The following TMEM132D variants were observed in gnomAD, a reference collection of about 807,000 sequenced individuals.
TMEM132D encodes transmembrane protein 132D.
A neutral mutation model predicts 62.3 loss-of-function variants in TMEM132D; 21 were observed. That is an observed-to-expected ratio of 0.34 (90% CI 0.24 to 0.49). The LOEUF is 0.49. TMEM132D is among the 20% of genes least tolerant of loss of function. TMEM132D has a pLI of 0.99. For missense variants in TMEM132D, 1,346 were observed against 1,402.8 expected (o/e 0.96, Z 0.65); for synonymous variants, 621 against 575.6 (o/e 1.08, Z -1.13).
intron 5 of TMEM132D, among the ~76,000 whole-genome samples, chr12:129,202,417 T>G (rs1178630683): frequency 1.3e-5 from 2 of 152,240 alleles, no homozygotes; most frequent in Non-Finnish European, 2.9e-5. Flanking sequence ...TTTTGATTTT[T>G]AAGTTGTGCA....
chr12:129,136,795 C>CCATCACCACCACCATCATCACCAT (rs1876581054), intron 5 of TMEM132D, among the ~76,000 whole-genome samples: 3 of 148,758 alleles, frequency 2.0e-5, no homozygotes, highest in African/African-American at 7.5e-5. Context: ...ATCACCATCA[C>CCATCACCACCACCATCATCACCAT]CATCATCACC....
intron 5 of TMEM132D, among the ~76,000 whole-genome samples, chr12:129,097,276 G>A (rs1261331133): frequency 6.6e-6 from 1 of 152,236 alleles, no homozygotes; most frequent in Non-Finnish European, 1.5e-5. Context: ...TGGGCGGCAA[G>A]AGCACCCCCG....
intron 3 of TMEM132D, among the ~76,000 whole-genome samples, chr12:129,528,677 T>G (rs892592832): frequency 1.3e-5 from 2 of 152,240 alleles, no homozygotes; most frequent in African/African-American, 2.4e-5. Context: ...AACCACTAAA[T>G]ATGTGTGCAT....
intron 5 of TMEM132D, among the ~76,000 whole-genome samples, chr12:129,182,430 A>T (rs773966652): frequency 3.3e-5 from 5 of 152,204 alleles, no homozygotes; most frequent in Non-Finnish European, 7.3e-5. Flanking sequence ...ACCAGAACAT[A>T]GGCAAGTCTC....
At chr12:129,664,202 G>A (rs532555680) in intron 2 of TMEM132D, among the ~76,000 whole-genome samples, 14 of 152,272 alleles carry the variant, frequency 9.2e-5, no homozygotes, top group African/African-American at 2.2e-4. Flanking sequence ...TTGTGATTGC[G>A]GAGCACAGCC....
At chr12:129,893,936 G>A (rs114352325) in intron 1 of TMEM132D, among the ~76,000 whole-genome samples, 3 of 152,208 alleles carry the variant, frequency 2.0e-5, no homozygotes, top group South Asian at 2.1e-4. Context: ...TGATTTTCAC[G>A]CCCTACAGAG....
intron 4 of TMEM132D, among the ~76,000 whole-genome samples, chr12:129,306,182 C>G (rs551867691): frequency 1.0e-3 from 155 of 152,252 alleles, no homozygotes; most frequent in Admixed American, 3.5e-3. Flanking sequence ...TATAACACCT[C>G]GGTTACCAAA....
At chr12:129,802,879 G>A (rs1475987661) in intron 1 of TMEM132D, among the ~76,000 whole-genome samples, 1 of 151,398 alleles carries the variant, frequency 6.6e-6, no homozygotes, top group Non-Finnish European at 1.5e-5. Flanking sequence ...AAAAGGCAAG[G>A]GTTGCAATCC....
At position 129,642,920 on chromosome 12, in the gene TMEM132D, C is replaced by CTTTT. The variant is rs71082742; in HGVS notation, c.968+56886_968+56889dup. Among the ~76,000 whole-genome samples the CTTTT allele has an allele frequency of 7.2e-3, 762 of 105,434 alleles. 7 individuals are homozygous for CTTTT. The highest frequency in any genetic ancestry group is 8.5e-3 in the Non-Finnish European group (472 of 55,750). The allele number at this position is 105,434 out of a possible 152,430, so 69.2% of individuals were successfully genotyped here. A position where few individuals can be genotyped will look rare whatever the true frequency, so the allele number is the denominator to read the frequency against. ...AGACACAACCAAAGAATTTACAAAT[C>CTTTT]TTTTTTTTTTTTTTTTTTTTTGAGA... On this transcript the variant is annotated intron_variant, in intron 2 of 8. Transcript: ENST00000422113.
At chr12:129,451,007 C>A (rs935138735) in intron 3 of TMEM132D, among the ~76,000 whole-genome samples, 1 of 152,028 alleles carries the variant, frequency 6.6e-6, no homozygotes, top group Non-Finnish European at 1.5e-5. Context: ...CGTGATCCAC[C>A]CTCCTCAGCC....
chr12:129,160,288 G>A (rs913706918), intron 5 of TMEM132D, among the ~76,000 whole-genome samples: 2 of 152,202 alleles, frequency 1.3e-5, no homozygotes, highest in African/African-American at 4.8e-5. Flanking sequence ...GGCCAAGTGG[G>A]CTGGAATAGT....
At chr12:129,586,372 G>A (rs1254054261) in intron 2 of TMEM132D, among the ~76,000 whole-genome samples, 1 of 152,192 alleles carries the variant, frequency 6.6e-6, no homozygotes, top group African/African-American at 2.4e-5. Flanking sequence ...GATTGTGCTT[G>A]TGGGACAAAT....
intron 4 of TMEM132D, among the ~76,000 whole-genome samples, chr12:129,310,405 A>T (rs964520939): frequency 6.6e-6 from 1 of 152,160 alleles, no homozygotes; most frequent in Non-Finnish European, 1.5e-5. Context: ...TTGGCCTGAG[A>T]GGGAGGAAAG....
chr12:129,593,900 A>G (rs1006818046), intron 2 of TMEM132D, among the ~76,000 whole-genome samples: 2 of 152,068 alleles, frequency 1.3e-5, no homozygotes, highest in African/African-American at 4.8e-5. Context: ...TATTTCAGTT[A>G]CAATTCACCC....
At chr12:129,272,968 G>T (rs899214253) in intron 4 of TMEM132D, among the ~76,000 whole-genome samples, 1 of 151,750 alleles carries the variant, frequency 6.6e-6, no homozygotes, top group Non-Finnish European at 1.5e-5. Context: ...GGCCAAGGTG[G>T]GTGGATCACT....
rs183708757 is a variant in TMEM132D, at chr12:129,495,926, G to T, written c.1115+35133C>A. Among the ~76,000 whole-genome samples the T allele has an allele frequency of 3.9e-5, 6 of 152,294 alleles. No individual in the cohort carries two copies. In the South Asian group the frequency reaches 8.3e-4, roughly 21 times the overall value. On this transcript the variant is annotated intron_variant, in intron 3 of 8. Coordinates refer to ENST00000422113, the MANE Select transcript of TMEM132D (RefSeq NM_133448.3). ...CAAAGTGATTCCAAAGTAATGGGGA[G>T]ATTCAGTTTTACTTTTACAAGTCCA...
intron 3 of TMEM132D, among the ~76,000 whole-genome samples, chr12:129,342,746 C>A (rs1452021074): frequency 3.9e-5 from 6 of 152,030 alleles, no homozygotes; most frequent in African/African-American, 1.4e-4. Context: ...ACAAACAACC[C>A]CATCAAAAAG....
intron 5 of TMEM132D, among the ~76,000 whole-genome samples, chr12:129,196,438 T>C (rs1878555299): frequency 6.6e-6 from 1 of 152,180 alleles, no homozygotes. Context: ...ATCCTTTATA[T>C]AAATTCTATG....
At position 129,575,672 on chromosome 12, in the gene TMEM132D, C is replaced by T. The variant is rs75087400; in HGVS notation, c.969-44467G>A. On this transcript the variant is annotated intron_variant, in intron 2 of 8. Transcript: ENST00000422113. ...ACTTTTTAATGAAAGACAAAAATTC[C>T]GTTTTTCTGGAATGAATTTTTTCTG... Among the ~76,000 whole-genome samples the T allele has an allele frequency of 4.3e-4, 65 of 151,498 alleles. 1 individual carries two copies. In the East Asian group the frequency reaches 0.011, roughly 25 times the overall value.
Sources: gnomAD v4.1 joint callset for allele counts (sites outside exome capture counted in the v4.1 genomes callset) on GRCh38, gnomAD v4.1.1 for gene constraint, MANE v1.5 for transcripts, NCBI Gene and HGNC (gene_info 2026-07-23, HGNC 2026-07-21) for gene names.